The following IL1RAP variants were observed in gnomAD, a reference collection of about 807,000 sequenced individuals.
The protein encoded by IL1RAP is interleukin-1 receptor accessory protein.
A neutral mutation model predicts 60.7 loss-of-function variants in IL1RAP; 35 were observed. The observed-to-expected ratio is 0.58, with a 90% CI of 0.44 to 0.76. The LOEUF (loss-of-function observed/expected upper bound fraction) is 0.76, where lower values mean the gene tolerates loss of function less well. IL1RAP is among the 30% of genes least tolerant of loss of function. IL1RAP has a pLI of 0.00. For missense variants in IL1RAP, 572 were observed against 693.9 expected, an observed-to-expected ratio of 0.82 and a Z score of 1.97; for synonymous variants, 268 against 250.9, an observed-to-expected ratio of 1.07 and a Z score of -0.64.
At chr3:190,611,353 A>G (rs560209297) in intron 5 of IL1RAP, among the ~76,000 whole-genome samples, 1 of 152,310 alleles carries the variant, frequency 6.6e-6, no homozygotes, top group East Asian at 1.9e-4. Context: ...TATAAATAAC[A>G]TAGAAATACA....
At chr3:190,589,449 G>C (rs1179804095) in intron 3 of IL1RAP, among the ~76,000 whole-genome samples, 3 of 152,094 alleles carry the variant, frequency 2.0e-5, no homozygotes, top group Non-Finnish European at 4.4e-5. Context: ...CTACACGCTT[G>C]ACACATTATT....
At chr3:190,528,204 T>A (rs950649915) in intron 1 of IL1RAP, among the ~76,000 whole-genome samples, 1 of 152,192 alleles carries the variant, frequency 6.6e-6, no homozygotes, top group Non-Finnish European at 1.5e-5. Context: ...ACTGTTAAAT[T>A]TGTGTAGTCT....
chr3:190,645,580 T>TC (rs1733957665), intron 10 of IL1RAP, 119 bp from the exon 11 acceptor site: 6 of 764,176 alleles, frequency 7.9e-6, no homozygotes, highest in Non-Finnish European at 1.3e-5. Context: ...AAGTAGAAAA[T>TC]CGCACTGGAA....
chr3:190,586,519 C>A (rs775443444), intron 3 of IL1RAP, among the ~76,000 whole-genome samples: 1 of 152,174 alleles, frequency 6.6e-6, no homozygotes, highest in Non-Finnish European at 1.5e-5. Flanking sequence ...TGATTATGCC[C>A]TCCTATCTAG....
At chr3:190,572,886 C>T (rs569598004) in intron 3 of IL1RAP, among the ~76,000 whole-genome samples, 844 of 4,890 alleles carry the variant, frequency 0.17, 118 homozygotes, top group African/African-American at 0.35. Flanking sequence ...TTTTTTGAGA[C>T]GGAGTCTCGC....
chr3:190,574,226 A>T (rs1157625034), intron 3 of IL1RAP, among the ~76,000 whole-genome samples: 1 of 152,094 alleles, frequency 6.6e-6, no homozygotes, highest in Non-Finnish European at 1.5e-5. Flanking sequence ...CGTGTTGCAA[A>T]TAAAATTTCA....
In IL1RAP at chr3:190,649,524, T is replaced by C; in HGVS notation, c.*819T>C. ...TGAAAGAAATCTCCTAATGGTGCTA[T>C]AGAGAGGGAGGTAACAGAAAGACTC... On this transcript the variant is annotated 3_prime_UTR_variant, in exon 12 of 12. Transcript: ENST00000447382. 1 of 985,854 alleles carries C rather than the reference T, an allele frequency of 1.0e-6. No homozygotes were observed. Among genetic ancestry groups the C allele is most frequent in the Non-Finnish European group, 1.2e-6 (1 of 829,932 alleles). 61.1% of individuals were successfully genotyped at this position (985,854 alleles called of 1,614,324 possible).
intron 1 of IL1RAP, among the ~76,000 whole-genome samples, chr3:190,534,978 C>T (rs1038459367): frequency 1.3e-5 from 2 of 150,890 alleles, no homozygotes; most frequent in African/African-American, 4.9e-5. Flanking sequence ...AAATGAGAGT[C>T]CTCTGTTTAA....
chr3:190,604,664 A>T (rs1038241137), intron 4 of IL1RAP, among the ~76,000 whole-genome samples: 1 of 151,998 alleles, frequency 6.6e-6, no homozygotes, highest in Non-Finnish European at 1.5e-5. Flanking sequence ...CCGAAAGTGG[A>T]GCCTTGTTAT....
At chr3:190,553,871 T>TA (rs1169952405) in intron 1 of IL1RAP, among the ~76,000 whole-genome samples, 1 of 151,332 alleles carries the variant, frequency 6.6e-6, no homozygotes, top group Non-Finnish European at 1.5e-5. Flanking sequence ...CCATCCCGGC[T>TA]AAAAACGGTG....
At chr3:190,590,512 C>G (rs912278501) in intron 3 of IL1RAP, among the ~76,000 whole-genome samples, 1 of 152,152 alleles carries the variant, frequency 6.6e-6, no homozygotes, top group African/African-American at 2.4e-5. Context: ...GCCTCGGCCT[C>G]CCAAAATGCT....
downstream of IL1RAP, among the ~76,000 whole-genome samples, chr3:190,654,897 T>C (rs552538967): frequency 6.6e-6 from 1 of 152,350 alleles, no homozygotes; most frequent in South Asian, 2.1e-4. Flanking sequence ...TTGAAGAACT[T>C]TCCCTTGGGA....
chr3:190,536,638 A>G (rs112147328), intron 1 of IL1RAP, among the ~76,000 whole-genome samples: 2,042 of 152,310 alleles, frequency 0.013, 51 homozygotes, highest in African/African-American at 0.046. Flanking sequence ...ATGGTTAAAT[A>G]CACTATCATA....
At chr3:190,604,064 T>C in intron 3 of IL1RAP, 64 bp from the exon 4 acceptor site, 1 of 1,505,062 alleles carries the variant, frequency 6.6e-7, no homozygotes. Context: ...GAAGGTGTGT[T>C]CTTTTGAGGC....
chr3:190,643,450 A>G (rs1346659444), intron 9 of IL1RAP, among the ~76,000 whole-genome samples: 2 of 152,160 alleles, frequency 1.3e-5, no homozygotes, highest in Non-Finnish European at 2.9e-5. Flanking sequence ...AGGGCTAATG[A>G]GTTAAGATCT....
intron 3 of IL1RAP, among the ~76,000 whole-genome samples, chr3:190,594,614 G>C (rs1368694934): frequency 6.6e-6 from 1 of 152,164 alleles, no homozygotes; most frequent in African/African-American, 2.4e-5. Context: ...ATCCAGGTGA[G>C]AGGCAAGCTG....
chr3:190,581,531 C>G (rs1399576569), intron 3 of IL1RAP, among the ~76,000 whole-genome samples: 3 of 152,160 alleles, frequency 2.0e-5, no homozygotes, highest in Admixed American at 1.3e-4. Flanking sequence ...AAACCCTTGC[C>G]CAGCAGAGTT....
intron 1 of IL1RAP, among the ~76,000 whole-genome samples, chr3:190,553,930 G>A (rs1456905542): frequency 1.3e-5 from 2 of 150,784 alleles, no homozygotes; most frequent in Non-Finnish European, 3.0e-5. Flanking sequence ...GCGTAGTGGC[G>A]GGCGCCTGTA....
At chr3:190,517,233 G>C (rs992072930) in intron 1 of IL1RAP, among the ~76,000 whole-genome samples, 1 of 151,892 alleles carries the variant, frequency 6.6e-6, no homozygotes, top group Non-Finnish European at 1.5e-5. Context: ...TAAGAGAAAG[G>C]GTACTAACTA....
Sources: allele counts gnomAD v4.1 joint callset (sites outside exome capture counted in the v4.1 genomes callset), GRCh38; gene constraint gnomAD v4.1.1; transcripts MANE v1.5; gene names NCBI Gene and HGNC (gene_info 2026-07-23, HGNC 2026-07-21).